Variants in SLC16A10 observed in about 807,000 individuals in gnomAD.
The protein encoded by SLC16A10 is solute carrier family 16 member 10, also known as monocarboxylate transporter 10.
Under a neutral mutation model 40.0 loss-of-function variants are expected in SLC16A10, and 27 were observed. The ratio of observed to expected loss-of-function variants is 0.67; its 90% CI spans 0.50 to 0.93. The LOEUF is 0.93. Among genes scored for constraint, SLC16A10 ranks in the 40% least tolerant of loss-of-function variants. The probability of loss-of-function intolerance (pLI) is 0.00; values close to 1 mark genes in which losing one functional copy is unlikely to be tolerated. For missense variants in SLC16A10, 529 were observed against 658.2 expected (o/e 0.80, Z 2.15); for synonymous variants, 213 against 249.8 (o/e 0.85, Z 1.39).
intron 1 of SLC16A10, among the ~76,000 whole-genome samples, chr6:111,109,428 A>C (rs1248649321): frequency 6.7e-6 from 1 of 148,680 alleles, no homozygotes; most frequent in Non-Finnish European, 1.5e-5. Context: ...ATTACTAAGT[A>C]GTATTCCATT....
chr6:111,223,876 G>A lies in SLC16A10; in HGVS notation c.*1641G>A, dbSNP rs1290697170. 6.6e-6 allele frequency: 1 copy of A among 152,540 alleles called. No individual in the cohort carries two copies. Among genetic ancestry groups the A allele is most frequent in the Non-Finnish European group, 1.5e-5 (1 of 68,334 alleles). The allele number at this position is 152,540 out of a possible 1,614,324, so 9.4% of individuals were successfully genotyped here. ...GCACTTTGGGAGGCTGAGGAGGGAA[G>A]ATTGCTTGAGCCCAGGAGTTTGAGA... On this transcript the variant is annotated 3_prime_UTR_variant, in exon 6 of 6. Transcript: ENST00000368851.
chr6:111,169,127 A>G (rs1282778672), intron 1 of SLC16A10, among the ~76,000 whole-genome samples: 2 of 152,066 alleles, frequency 1.3e-5, no homozygotes, highest in African/African-American at 4.8e-5. Flanking sequence ...AAAGAGCTAT[A>G]CTGTAATGGT....
At chr6:111,168,548 C>A (rs1772521600) in intron 1 of SLC16A10, among the ~76,000 whole-genome samples, 1 of 152,160 alleles carries the variant, frequency 6.6e-6, no homozygotes, top group South Asian at 2.1e-4. Flanking sequence ...GCATATATAT[C>A]ATAGGTCGTA....
intron 1 of SLC16A10, among the ~76,000 whole-genome samples, chr6:111,131,216 C>T (rs1357434243): frequency 1.3e-5 from 2 of 152,256 alleles, no homozygotes; most frequent in Non-Finnish European, 2.9e-5. Context: ...GTGTCCACTG[C>T]ACCTCTGGTC....
intron 3 of SLC16A10, among the ~76,000 whole-genome samples, chr6:111,186,036 A>G (rs1583350835): frequency 6.6e-6 from 1 of 152,152 alleles, no homozygotes; most frequent in East Asian, 1.9e-4. Flanking sequence ...AGTAGCTAGG[A>G]CCACAGGTGC....
intron 4 of SLC16A10, among the ~76,000 whole-genome samples, chr6:111,210,264 A>C (rs866926148): frequency 1.3e-5 from 2 of 152,146 alleles, no homozygotes; most frequent in African/African-American, 4.8e-5. Context: ...CTGAGAGGCT[A>C]CCTCACTGTG....
Position 111,227,943 on chromosome 6 carries a change from G to C in SLC16A10, c.*5708G>C, listed in dbSNP as rs1161365021. On this transcript the variant is annotated 3_prime_UTR_variant, in exon 6 of 6. Coordinates refer to ENST00000368851, the MANE Select transcript of SLC16A10 (RefSeq NM_018593.5). ...GTGATTCTGGGATTAAAAAGCAAGG[G>C]GGGTGCAAATTGTTAGTGGGGTCAA... is the stretch of plus-strand genomic sequence containing the variant. 3.3e-5 allele frequency: 5 copies of C among 152,260 alleles called. No homozygotes were observed. The East Asian group carries it at 7.7e-4, about 23-fold the overall frequency. 9.4% of individuals were successfully genotyped at this position (152,260 alleles called of 1,614,324 possible). A position where few individuals can be genotyped will look rare whatever the true frequency, so the allele number is the denominator to read the frequency against.
chr6:111,195,154 T>C (rs916000368), intron 3 of SLC16A10, among the ~76,000 whole-genome samples: 6 of 152,166 alleles, frequency 3.9e-5, no homozygotes, highest in African/African-American at 1.2e-4. Flanking sequence ...ATAATGTTTT[T>C]AAAAATCAGT....
At chr6:111,090,339 G>A (rs1027836320) in intron 1 of SLC16A10, among the ~76,000 whole-genome samples, 10 of 152,198 alleles carry the variant, frequency 6.6e-5, no homozygotes, top group Non-Finnish European at 1.0e-4. Context: ...GCCCAACTCA[G>A]GGGTAAGTGG....
At chr6:111,156,290 G>A (rs970108608) in intron 1 of SLC16A10, among the ~76,000 whole-genome samples, 1 of 152,198 alleles carries the variant, frequency 6.6e-6, no homozygotes, top group Admixed American at 6.5e-5. Context: ...CCCCACTCCT[G>A]TAAGTGTGGG....
chr6:111,151,704 CT>C (rs1772175594), intron 1 of SLC16A10, among the ~76,000 whole-genome samples: 1 of 152,206 alleles, frequency 6.6e-6, no homozygotes, highest in African/African-American at 2.4e-5. Flanking sequence ...ACTGACATGG[CT>C]TTGCTGTGAT....
At chr6:111,195,188 G>A (rs1773059746) in intron 3 of SLC16A10, among the ~76,000 whole-genome samples, 1 of 152,144 alleles carries the variant, frequency 6.6e-6, no homozygotes, top group Non-Finnish European at 1.5e-5. Context: ...TTACAGAAAG[G>A]AGAAATAAAA....
At chr6:111,157,684 T>C (rs925199999) in intron 1 of SLC16A10, among the ~76,000 whole-genome samples, 1 of 152,164 alleles carries the variant, frequency 6.6e-6, no homozygotes, top group African/African-American at 2.4e-5. Flanking sequence ...AGACCACTTG[T>C]GGTTTTAAGG....
intron 3 of SLC16A10, among the ~76,000 whole-genome samples, chr6:111,181,625 T>C (rs957985133): frequency 1.3e-5 from 2 of 152,174 alleles, no homozygotes; most frequent in African/African-American, 4.8e-5. Flanking sequence ...GATTCAGAAA[T>C]ACAATGGAGT....
chr6:111,136,937 G>C (rs975882903), intron 1 of SLC16A10, among the ~76,000 whole-genome samples: 1 of 152,200 alleles, frequency 6.6e-6, no homozygotes, highest in Non-Finnish European at 1.5e-5. Flanking sequence ...AATATGGAGA[G>C]AAAGGGAATT....
intron 3 of SLC16A10, among the ~76,000 whole-genome samples, chr6:111,187,274 A>T (rs1246194043): frequency 2.6e-5 from 4 of 152,186 alleles, no homozygotes. Context: ...CAGGGCTTCT[A>T]TCTAGCAAGA....
At chr6:111,107,394 A>T (rs1454747288) in intron 1 of SLC16A10, among the ~76,000 whole-genome samples, 2 of 152,194 alleles carry the variant, frequency 1.3e-5, no homozygotes, top group Admixed American at 6.5e-5. Context: ...GGGTAGAAGG[A>T]TGGTGAAATC....
intron 1 of SLC16A10, among the ~76,000 whole-genome samples, chr6:111,159,843 G>A (rs1482999699): frequency 6.6e-6 from 1 of 152,160 alleles, no homozygotes; most frequent in East Asian, 1.9e-4. Flanking sequence ...ATCCTGTGAT[G>A]TGTGTGGTTT....
intron 1 of SLC16A10, among the ~76,000 whole-genome samples, chr6:111,125,460 C>T (rs367564645): frequency 3.3e-5 from 5 of 152,082 alleles, no homozygotes; most frequent in African/African-American, 4.8e-5. Flanking sequence ...CTTACCATAA[C>T]GATTAAGGCT....
Sources: gnomAD v4.1 joint callset for allele counts (sites outside exome capture counted in the v4.1 genomes callset) on GRCh38, gnomAD v4.1.1 for gene constraint, MANE v1.5 for transcripts, NCBI Gene and HGNC (gene_info 2026-07-23, HGNC 2026-07-21) for gene names.